Variants in ATP8B4 observed in about 807,000 individuals in gnomAD.
ATP8B4 encodes the protein ATPase phospholipid transporting 8B4 (putative).
A neutral mutation model predicts 145.6 loss-of-function variants in ATP8B4; 133 were observed. The ratio of observed to expected loss-of-function variants is 0.91; its 90% CI spans 0.79 to 1.05. The LOEUF (loss-of-function observed/expected upper bound fraction) is 1.05. Among genes scored for constraint, ATP8B4 ranks in the 50% least tolerant of loss-of-function variants. The pLI is 0.00. For synonymous variants in ATP8B4, 507 were observed against 492.9 expected (o/e 1.03, Z -0.38); for missense variants, 1,458 against 1,425.2 (o/e 1.02, Z -0.37).
chr15:49,909,431 C>T (rs549116981), intron 20 of ATP8B4, among the ~76,000 whole-genome samples: 1 of 152,288 alleles, frequency 6.6e-6, no homozygotes, highest in South Asian at 2.1e-4. Context: ...ATTGCCTATG[C>T]CATGCCTGCA....
intron 14 of ATP8B4, among the ~76,000 whole-genome samples, chr15:49,950,678 G>GT (rs1191397905): frequency 2.7e-5 from 4 of 150,932 alleles, no homozygotes; most frequent in African/African-American, 4.9e-5. Flanking sequence ...TTTTTGGAGG[G>GT]TTTTTTGTGT....
intron 3 of ATP8B4, among the ~76,000 whole-genome samples, chr15:50,065,607 A>G (rs2053329121): frequency 6.6e-6 from 1 of 152,238 alleles, no homozygotes; most frequent in East Asian, 1.9e-4. Context: ...CTTCTTCACA[A>G]GTAACTTACT....
intron 1 of ATP8B4, among the ~76,000 whole-genome samples, chr15:50,161,301 T>C (rs1357422885): frequency 6.6e-6 from 1 of 152,042 alleles, no homozygotes; most frequent in Non-Finnish European, 1.5e-5. Flanking sequence ...GATCATTGGG[T>C]CTTGCTTTTT....
chr15:49,970,045 G>GA (rs1457464719), intron 13 of ATP8B4, among the ~76,000 whole-genome samples: 1 of 152,126 alleles, frequency 6.6e-6, no homozygotes, highest in East Asian at 1.9e-4. Context: ...AATAGATGCA[G>GA]AAAAGGCCTT....
Position 49,978,059 on chromosome 15 carries a change from G to C in ATP8B4, c.1034+1558C>G, listed in dbSNP as rs545296339. 3.4e-3 allele frequency among the ~76,000 whole-genome samples: 233 copies of C among 68,992 alleles called. 1 individual carries two copies. The Middle Eastern group carries it at 0.059, about 18-fold the overall frequency. 45.3% of individuals were successfully genotyped at this position (68,992 alleles called of 152,430 possible). On this transcript the variant is annotated intron_variant, in intron 12 of 27. Coordinates refer to ENST00000284509, the MANE Select transcript of ATP8B4 (RefSeq NM_024837.4). ...AATGCCAACCTGAGAATCTACCTTT[G>C]GTCTCTTAAAAAAAAATCAATCTTT... is the stretch of plus-strand genomic sequence containing the variant.
intron 19 of ATP8B4, among the ~76,000 whole-genome samples, chr15:49,917,710 T>C (rs917184964): frequency 3.9e-5 from 6 of 152,212 alleles, no homozygotes; most frequent in African/African-American, 1.4e-4. Context: ...TTCTATCTAA[T>C]AGAGTTATTT....
At chr15:49,920,045 G>A (rs1158598610) in intron 18 of ATP8B4, among the ~76,000 whole-genome samples, 2 of 152,198 alleles carry the variant, frequency 1.3e-5, no homozygotes, top group East Asian at 3.8e-4. Context: ...ATAAGCTACT[G>A]CTAATAGAAA....
chr15:49,891,065 C>T (rs1431482745), intron 23 of ATP8B4, among the ~76,000 whole-genome samples: 1 of 152,100 alleles, frequency 6.6e-6, no homozygotes, highest in Non-Finnish European at 1.5e-5. Context: ...AATTACAGGT[C>T]AGTTGGAAAG....
chr15:49,957,524 A>T (rs2043681148), intron 14 of ATP8B4, among the ~76,000 whole-genome samples: 2 of 152,068 alleles, frequency 1.3e-5, no homozygotes, highest in African/African-American at 4.8e-5. Flanking sequence ...GCAAAAGCAA[A>T]CTATAGCCCT....
intron 16 of ATP8B4, among the ~76,000 whole-genome samples, chr15:49,926,227 T>TC (rs2040709615): frequency 6.6e-6 from 1 of 152,114 alleles, no homozygotes; most frequent in East Asian, 1.9e-4. Context: ...CACACCAAAC[T>TC]CATACTGGAC....
Position 49,880,985 on chromosome 15 carries a change from G to A in ATP8B4, c.2698-1526C>T, listed in dbSNP as rs573534380. The stretch of plus-strand genomic sequence containing the variant: ...AAATTAGCCAGGCATGGTGGCGGGC[G>A]CCTGTAGTCCCAGCTACTCGGGAGG... On this transcript the variant is annotated intron_variant, in intron 23 of 27. Transcript: ENST00000284509. 9.2e-5 allele frequency among the ~76,000 whole-genome samples: 14 copies of A among 152,162 alleles called. No individual in the cohort carries two copies. The East Asian group carries it at 1.2e-3, about 13-fold the overall frequency.
chr15:49,900,973 C>T (rs1486005485), intron 21 of ATP8B4, 119 bp downstream of exon 21: 9 of 1,288,466 alleles, frequency 7.0e-6, no homozygotes, highest in Middle Eastern at 2.1e-4. Flanking sequence ...TCGCATATGC[C>T]CTGTATCTAG....
intron 3 of ATP8B4, among the ~76,000 whole-genome samples, chr15:50,073,260 G>A (rs1462614309): frequency 2.0e-5 from 3 of 151,598 alleles, no homozygotes; most frequent in African/African-American, 7.3e-5. Context: ...GACAGGCTCT[G>A]CTGTGTGATG....
chr15:49,875,502 C>T (rs2034270866), intron 25 of ATP8B4, among the ~76,000 whole-genome samples: 3 of 152,150 alleles, frequency 2.0e-5, no homozygotes, highest in African/African-American at 4.8e-5. Context: ...GGTCACATAG[C>T]TTGCTGTACC....
rs1382395019 is a variant in ATP8B4 at position 49,894,326 on chromosome 15, T to C, written c.2697+2966A>G. 2.6e-5 allele frequency among the ~76,000 whole-genome samples: 4 copies of C among 152,296 alleles called. No homozygotes were observed. The East Asian group carries it at 7.7e-4, about 29-fold the overall frequency. On this transcript the variant is annotated intron_variant, in intron 23 of 27. Transcript: ENST00000284509. ...CTTAAATAGTGGGACCAAAGTACCC[T>C]TTCCAGTATAAGCTTTGGTCCCAAT...
intron 16 of ATP8B4, among the ~76,000 whole-genome samples, chr15:49,926,819 T>C (rs941299187): frequency 9.8e-5 from 15 of 152,324 alleles, no homozygotes; most frequent in African/African-American, 3.6e-4. Context: ...TCCAGTTAGA[T>C]GCAACAGCAG....
chr15:50,098,973 T>C (rs2056172169), intron 2 of ATP8B4, among the ~76,000 whole-genome samples: 1 of 152,210 alleles, frequency 6.6e-6, no homozygotes, highest in Non-Finnish European at 1.5e-5. Context: ...ACATAATTTT[T>C]CATGTGTTTT....
Position 49,906,359 on chromosome 15 carries a change from C to T in ATP8B4, c.2142-5120G>A, listed in dbSNP as rs553026571. On this transcript the variant is annotated intron_variant, in intron 20 of 27. Transcript: ENST00000284509. ...CCTCTAGGGAGTTTCTATCAACTTA[C>T]AGTCCCAACAACAGCATACAAGTAG... Among the ~76,000 whole-genome samples, 4 of 152,312 alleles carry T rather than the reference C, an allele frequency of 2.6e-5. No individual in the cohort carries two copies. In the South Asian group the frequency reaches 6.2e-4, roughly 24 times the overall value.
intron 2 of ATP8B4, among the ~76,000 whole-genome samples, chr15:50,104,007 G>T (rs2056528284): frequency 6.6e-6 from 1 of 152,124 alleles, no homozygotes; most frequent in Non-Finnish European, 1.5e-5. Flanking sequence ...AACAAATGGT[G>T]CTGGGATAAT....
Sources: allele counts gnomAD v4.1 joint callset (sites outside exome capture counted in the v4.1 genomes callset), GRCh38; gene constraint gnomAD v4.1.1; transcripts MANE v1.5; gene names NCBI Gene and HGNC (gene_info 2026-07-23, HGNC 2026-07-21).